Variants in PRKACB observed in about 807,000 individuals in gnomAD.
PRKACB encodes cAMP-dependent protein kinase catalytic subunit beta.
Under a neutral mutation model 51.4 loss-of-function variants are expected in PRKACB, and 16 were observed. The observed-to-expected ratio is 0.31, with a 90% confidence interval of 0.21 to 0.47. PRKACB has a LOEUF of 0.47. Ranked by LOEUF, PRKACB falls within the 20% of genes least tolerant of loss-of-function variation. The pLI is 1.00. For synonymous variants in PRKACB, 147 were observed against 154.4 expected (o/e 0.95, Z 0.35); for missense variants, 309 against 464.5 (o/e 0.67, Z 3.08).
At chr1:84,224,448 G>GATGGTAGCA (rs1259436658) in intron 9 of PRKACB, among the ~76,000 whole-genome samples, 1 of 152,206 alleles carries the variant, frequency 6.6e-6, no homozygotes, top group Non-Finnish European at 1.5e-5. Context: ...TGCTGCTAGT[G>GATGGTAGCA]ATGGTAGCAA....
At chr1:84,211,287 G>A (rs994683701) in intron 8 of PRKACB, among the ~76,000 whole-genome samples, 1 of 151,936 alleles carries the variant, frequency 6.6e-6, no homozygotes, top group Non-Finnish European at 1.5e-5. Flanking sequence ...GTACATTACT[G>A]TCTGCCATCT....
intron 1 of PRKACB, among the ~76,000 whole-genome samples, chr1:84,089,735 A>G (rs1648305374): frequency 6.6e-6 from 1 of 152,138 alleles, no homozygotes; most frequent in Non-Finnish European, 1.5e-5. Context: ...TAGTCTTGCC[A>G]AAGACCTTGT....
intron 1 of PRKACB, among the ~76,000 whole-genome samples, chr1:84,135,822 A>C (rs541160457): frequency 2.6e-5 from 4 of 152,240 alleles, no homozygotes; most frequent in African/African-American, 9.6e-5. Flanking sequence ...GAAAGATCTA[A>C]AATCAGTAAT....
intron 1 of PRKACB, among the ~76,000 whole-genome samples, chr1:84,085,421 G>A (rs536483760): frequency 1.2e-3 from 184 of 152,160 alleles, no homozygotes; most frequent in Non-Finnish European, 2.3e-3. Context: ...TCCAAGTGAC[G>A]GTATAAAATC....
At chr1:84,187,943 T>G (rs1331077088) in intron 5 of PRKACB, among the ~76,000 whole-genome samples, 1 of 152,096 alleles carries the variant, frequency 6.6e-6, no homozygotes, top group Non-Finnish European at 1.5e-5. Context: ...TTTTATGCAC[T>G]TTTTAAATAC....
intron 1 of PRKACB, among the ~76,000 whole-genome samples, chr1:84,100,862 T>G (rs767555238): frequency 6.6e-6 from 1 of 152,184 alleles, no homozygotes; most frequent in Non-Finnish European, 1.5e-5. Context: ...AGGCATAGAT[T>G]AAGTAACTTG....
At chr1:84,141,053 C>A (rs1220782900), upstream of PRKACB, among the ~76,000 whole-genome samples, 1 of 151,730 alleles carries the variant, frequency 6.6e-6, no homozygotes, top group African/African-American at 2.4e-5. Flanking sequence ...TAAAAGAAAC[C>A]AATATTTTGT....
intron 1 of PRKACB, among the ~76,000 whole-genome samples, chr1:84,167,651 A>G (rs939249948): frequency 1.3e-4 from 19 of 151,618 alleles, no homozygotes; most frequent in African/African-American, 4.1e-4. Flanking sequence ...TAGTCACCCC[A>G]GTACCCCAAA....
chr1:84,185,414 G>A (rs1163788251), intron 5 of PRKACB, among the ~76,000 whole-genome samples: 1 of 151,674 alleles, frequency 6.6e-6, no homozygotes, highest in Non-Finnish European at 1.5e-5. Flanking sequence ...ACTACTGCTA[G>A]ATATTGTGAG....
intron 1 of PRKACB, among the ~76,000 whole-genome samples, chr1:84,163,536 GT>G (rs1656549962): frequency 6.6e-6 from 1 of 151,930 alleles, no homozygotes; most frequent in Non-Finnish European, 1.5e-5. Flanking sequence ...GAAGCTGCTA[GT>G]TTTCATGACC....
chr1:84,129,898 G>A (rs921465858), intron 1 of PRKACB, among the ~76,000 whole-genome samples: 10 of 152,274 alleles, frequency 6.6e-5, no homozygotes, highest in Non-Finnish European at 7.4e-5. Flanking sequence ...CAGAATTCCA[G>A]AACTGTACAG....
At chr1:84,159,549 A>C (rs572728489) in intron 1 of PRKACB, among the ~76,000 whole-genome samples, 357 of 152,194 alleles carry the variant, frequency 2.3e-3, no homozygotes, top group African/African-American at 8.3e-3. Flanking sequence ...TTTCATCTGC[A>C]AATAAAGACA....
At position 84,124,066 on chromosome 1, in the gene PRKACB, A is replaced by C. The variant is rs548426598; in HGVS notation, c.46+45695A>C. On this transcript the variant is annotated intron_variant, in intron 1 of 8. Transcript: ENST00000370688. ...TCTTTTAGATACCTAAAGCTATCTCATAAAAAAGCTATGGTATCTTGAAGA... is the reference window on the plus strand; with the variant it reads ...TCTTTTAGATACCTAAAGCTATCTCCTAAAAAAGCTATGGTATCTTGAAGA... Among the ~76,000 whole-genome samples, 4 of 152,310 alleles carry C rather than the reference A, an allele frequency of 2.6e-5. No homozygotes were observed. The East Asian group carries it at 7.7e-4, about 29-fold the overall frequency.
chr1:84,204,970 C>T (rs1175218517), intron 8 of PRKACB: 1 of 980,636 alleles, frequency 1.0e-6, no homozygotes, highest in Non-Finnish European at 1.2e-6. Flanking sequence ...ATCTAATAAT[C>T]AGCATATATT....
chr1:84,196,753 A>C lies in PRKACB; in HGVS notation c.687+11A>C. The C allele has an allele frequency of 6.2e-7, 1 of 1,610,342 alleles. No individual in the cohort carries two copies. The highest frequency in any genetic ancestry group is 8.5e-7 in the Non-Finnish European group (1 of 1,177,106). On this transcript the variant is annotated intron_variant, in intron 6 of 9. Transcript: ENST00000370685. Reference sequence around the variant, plus strand: ...CAAGGCTATATCCAGGTATGACTTTAACACATTATGTGTACTGTATATGAG... The same window carrying C: ...CAAGGCTATATCCAGGTATGACTTTCACACATTATGTGTACTGTATATGAG...
At chr1:84,197,149 T>G (rs1006053608) in intron 6 of PRKACB, among the ~76,000 whole-genome samples, 43 of 152,156 alleles carry the variant, frequency 2.8e-4, no homozygotes, top group African/African-American at 1.0e-3. Context: ...CAATAAATGG[T>G]AGAGTCAGAA....
In PRKACB at chr1:84,165,413, T is replaced by A. The variant is rs373487393; in HGVS notation, c.188-13764T>A. On this transcript the variant is annotated intron_variant, in intron 1 of 9. Coordinates refer to ENST00000370685, the MANE Select transcript of PRKACB (RefSeq NM_182948.4). ...ATTCCTAATGCTAATTTTTATTAGA[T>A]TATTTTTATTAGATTTTTTAAATAG... 5.7e-4 allele frequency among the ~76,000 whole-genome samples: 87 copies of A among 151,950 alleles called. 1 individual carries two copies. In the South Asian group the frequency reaches 0.018, roughly 31 times the overall value.
At chr1:84,112,031 A>C (rs1650271254) in intron 1 of PRKACB, among the ~76,000 whole-genome samples, 1 of 152,284 alleles carries the variant, frequency 6.6e-6, no homozygotes, top group Admixed American at 6.5e-5. Context: ...GCCAGAGTTT[A>C]CTTATTATAT....
chr1:84,130,050 A>G (rs1045369289), intron 1 of PRKACB, among the ~76,000 whole-genome samples: 3 of 151,990 alleles, frequency 2.0e-5, no homozygotes, highest in Non-Finnish European at 4.4e-5. Flanking sequence ...AATACAAACA[A>G]TTAGCTGGGT....
Sources: allele counts gnomAD v4.1 joint callset (sites outside exome capture counted in the v4.1 genomes callset), GRCh38; gene constraint gnomAD v4.1.1; transcripts MANE v1.5; gene names NCBI Gene and HGNC (gene_info 2026-07-23, HGNC 2026-07-21).